Variants in FAAH2 observed in about 807,000 individuals in gnomAD.
FAAH2 encodes the protein fatty acid amide hydrolase 2, also known as fatty-acid amide hydrolase 2.
Under a neutral mutation model 36.9 loss-of-function variants are expected in FAAH2, and 60 were observed. That is an observed-to-expected ratio of 1.63 (90% CI 1.32 to 2.02). The LOEUF (loss-of-function observed/expected upper bound fraction) is 2.02. Among genes scored for constraint, FAAH2 ranks in the 30% most tolerant of loss-of-function variants. FAAH2 has a pLI of 0.00. For missense variants in FAAH2, 689 were observed against 397.5 expected (o/e 1.73, Z -6.23); for synonymous variants, 214 against 143.8 (o/e 1.49, Z -3.49).
At chrX:57,470,738 C>T (rs1051618536) in intron 10 of FAAH2, among the ~76,000 whole-genome samples, 6 of 111,725 alleles carry the variant, frequency 5.4e-5, no homozygotes, top group Non-Finnish European at 7.5e-5. Flanking sequence ...TCCTCCCTAA[C>T]TCATTTTATG....
intron 5 of FAAH2, among the ~76,000 whole-genome samples, chrX:57,366,365 C>G (rs755377502): frequency 1.5e-4 from 17 of 112,229 alleles, no homozygotes; most frequent in African/African-American, 5.2e-4. Flanking sequence ...GAACTGGGAC[C>G]TGGCCCACAG....
At chrX:57,364,684 T>G (rs182078591) in intron 5 of FAAH2, among the ~76,000 whole-genome samples, 1 of 110,531 alleles carries the variant, frequency 9.0e-6, no homozygotes, top group Admixed American at 9.7e-5. Context: ...CTTGATGTAG[T>G]TGCTCAGCAC....
At chrX:57,393,614 A>T (rs2055220409) in intron 7 of FAAH2, 1 of 884,441 alleles carries the variant, frequency 1.1e-6, no homozygotes, top group Admixed American at 2.2e-5. Context: ...AAGCACTATC[A>T]ATGCACCACT....
chrX:57,174,369 G>A, the FAAH2 span, among the ~76,000 whole-genome samples: 1 of 111,043 alleles, frequency 9.0e-6, no homozygotes, highest in Non-Finnish European at 1.9e-5. Context: ...TTTCTAGTTT[G>A]TGAGCATAGA....
chrX:57,460,094 G>A (rs2056931716), intron 10 of FAAH2, among the ~76,000 whole-genome samples: 1 of 110,601 alleles, frequency 9.0e-6, no homozygotes, highest in Non-Finnish European at 1.9e-5. Flanking sequence ...AAGGCGTGAA[G>A]ACAAGATTAG....
the FAAH2 span, among the ~76,000 whole-genome samples, chrX:57,281,091 A>G: frequency 1.8e-5 from 2 of 111,663 alleles, no homozygotes; most frequent in Non-Finnish European, 1.9e-5. Flanking sequence ...GTGTGGACAT[A>G]AAAGGACAAC....
intron 7 of FAAH2, among the ~76,000 whole-genome samples, chrX:57,407,931 G>C (rs972303400): frequency 1.8e-5 from 2 of 111,597 alleles, no homozygotes; most frequent in African/African-American, 6.5e-5. Context: ...ATGTATTCTT[G>C]TTACTTTTGT....
the FAAH2 span, among the ~76,000 whole-genome samples, chrX:57,278,997 C>T: frequency 2.7e-5 from 3 of 112,116 alleles, no homozygotes; most frequent in Admixed American, 9.4e-5. Flanking sequence ...TGCTTTTACA[C>T]TGTTAGGGGA....
At chrX:57,371,179 A>T (rs2054540526) in intron 5 of FAAH2, among the ~76,000 whole-genome samples, 1 of 111,510 alleles carries the variant, frequency 9.0e-6, no homozygotes, top group Non-Finnish European at 1.9e-5. Context: ...TTTGTCATAT[A>T]ATTGAACCTG....
At chrX:57,268,528 C>T in the FAAH2 span, among the ~76,000 whole-genome samples, 1 of 110,849 alleles carries the variant, frequency 9.0e-6, no homozygotes, top group South Asian at 3.9e-4. Context: ...CACAGAAAGA[C>T]CATCCCCAAG....
chrX:57,489,096 T>C lies in FAAH2; in HGVS notation c.*164T>C, dbSNP rs2057526922. Reference sequence around the variant, plus strand: ...TACTTTTATTTCCTTCTCTAACTGTTGGTCTTACTAAAATGGTAATATTTG... The same window carrying C: ...TACTTTTATTTCCTTCTCTAACTGTCGGTCTTACTAAAATGGTAATATTTG... On this transcript the variant is annotated 3_prime_UTR_variant, in exon 11 of 11. Transcript: ENST00000374900. The C allele has an allele frequency of 3.8e-6, 2 of 528,867 alleles. No individual in the cohort carries two copies. The highest frequency in any genetic ancestry group is 5.1e-5 in the Admixed American group (1 of 19,504). 43.6% of individuals were successfully genotyped at this position (528,867 alleles called of 1,213,427 possible).
the FAAH2 span, among the ~76,000 whole-genome samples, chrX:57,260,644 T>C: frequency 8.9e-6 from 1 of 111,852 alleles, no homozygotes; most frequent in South Asian, 3.6e-4. Context: ...GCAAAATACT[T>C]CATATCAAGA....
At chrX:57,361,432 T>G (rs1465358745) in intron 5 of FAAH2, among the ~76,000 whole-genome samples, 1 of 111,421 alleles carries the variant, frequency 9.0e-6, no homozygotes, top group Non-Finnish European at 1.9e-5. Context: ...TTCTATAAAC[T>G]TTCCTCTTAG....
the FAAH2 span, among the ~76,000 whole-genome samples, chrX:57,209,353 C>T: frequency 8.9e-6 from 1 of 112,054 alleles, no homozygotes; most frequent in Non-Finnish European, 1.9e-5. Flanking sequence ...CTGGATATTG[C>T]TATTTCTTAT....
At chrX:57,336,525 T>C (rs748531495) in intron 4 of FAAH2, among the ~76,000 whole-genome samples, 1 of 111,599 alleles carries the variant, frequency 9.0e-6, no homozygotes, top group African/African-American at 3.2e-5. Flanking sequence ...ATCTGATCTC[T>C]CTTTCTTTTC....
At chrX:57,184,062 C>T in the FAAH2 span, among the ~76,000 whole-genome samples, 2 of 110,718 alleles carry the variant, frequency 1.8e-5, no homozygotes, top group East Asian at 5.7e-4. Flanking sequence ...TGTGGTCAGA[C>T]CGTTCTCTGC....
intron 5 of FAAH2, among the ~76,000 whole-genome samples, chrX:57,352,121 CACATAT>C (rs2054036285): frequency 2.5e-5 from 1 of 39,454 alleles, no homozygotes; most frequent in Non-Finnish European, 3.9e-5. Flanking sequence ...TATATATATG[CACATAT>C]ATATATATGT....
chrX:57,331,129 C>T (rs1026328115), intron 3 of FAAH2, among the ~76,000 whole-genome samples: 6 of 111,897 alleles, frequency 5.4e-5, no homozygotes, highest in African/African-American at 2.0e-4. Flanking sequence ...TGTTGTGCTC[C>T]TCCAGATGTT....
intron 5 of FAAH2, among the ~76,000 whole-genome samples, chrX:57,365,125 G>C (rs1342521378): frequency 1.8e-5 from 2 of 111,298 alleles, no homozygotes; most frequent in African/African-American, 6.5e-5. Flanking sequence ...TGTGTAACTT[G>C]TCAATGGCAT....
Sources: gnomAD v4.1 joint callset for allele counts (sites outside exome capture counted in the v4.1 genomes callset) on GRCh38, gnomAD v4.1.1 for gene constraint, MANE v1.5 for transcripts, NCBI Gene and HGNC (gene_info 2026-07-23, HGNC 2026-07-21) for gene names.